The following CFAP58 variants were observed in gnomAD, a reference collection of about 807,000 sequenced individuals.
The protein encoded by CFAP58 is cilia and flagella associated protein 58.
In CFAP58, 88 loss-of-function variants were observed where a neutral mutation model predicts 119.5. The ratio of observed to expected loss-of-function variants is 0.74; its 90% CI spans 0.62 to 0.88. The LOEUF (loss-of-function observed/expected upper bound fraction) is 0.88, where lower values mean the gene tolerates loss of function less well. CFAP58 is among the 40% of genes least tolerant of loss of function. The probability of loss-of-function intolerance (pLI) is 0.00; values close to 1 mark genes in which losing one functional copy is unlikely to be tolerated. For missense variants in CFAP58, 990 were observed against 1,021.2 expected (o/e 0.97, Z 0.42); for synonymous variants, 365 against 366.3 (o/e 1.00, Z 0.04).
intron 11 of CFAP58, among the ~76,000 whole-genome samples, chr10:104,395,380 G>A (rs986413056): frequency 2.6e-5 from 4 of 152,214 alleles, no homozygotes; most frequent in African/African-American, 9.6e-5. Context: ...CCCAGGTCTG[G>A]ATGGCTTTAG....
intron 1 of CFAP58, among the ~76,000 whole-genome samples, chr10:104,356,939 C>T (rs555057669): frequency 1.3e-5 from 2 of 152,118 alleles, no homozygotes; most frequent in African/African-American, 4.8e-5. Context: ...AATATATTAA[C>T]CATACCCATT....
upstream of CFAP58, chr10:104,351,837 T>G (rs1434410162): frequency 1.3e-5 from 2 of 152,088 alleles, no homozygotes; most frequent in Non-Finnish European, 2.9e-5. Flanking sequence ...AGCCACAGTA[T>G]CAAAGTTAAG....
At chr10:104,370,274 T>C (rs780465449) in intron 6 of CFAP58, among the ~76,000 whole-genome samples, 1 of 152,258 alleles carries the variant, frequency 6.6e-6, no homozygotes, top group Non-Finnish European at 1.5e-5. Context: ...TACAGTTAGA[T>C]GGTGTATTAG....
At chr10:104,364,988 C>A in intron 4 of CFAP58, 99 bp downstream of exon 4, 1 of 1,232,882 alleles carries the variant, frequency 8.1e-7, no homozygotes, top group Non-Finnish European at 1.1e-6. Context: ...CAAATTTACC[C>A]CCTAGCGCCC....
At chr10:104,448,887 T>C (rs919645989) in intron 16 of CFAP58, among the ~76,000 whole-genome samples, 1 of 152,268 alleles carries the variant, frequency 6.6e-6, no homozygotes, top group African/African-American at 2.4e-5. Context: ...GAGGTAGATA[T>C]AGATTAGAAA....
intron 13 of CFAP58, among the ~76,000 whole-genome samples, chr10:104,401,504 T>G (rs1003164641): frequency 2.0e-5 from 3 of 152,226 alleles, no homozygotes; most frequent in Non-Finnish European, 2.9e-5. Context: ...TACTTTCCCT[T>G]TGGGAAAACG....
At chr10:104,364,927 C>G (rs1297814244) in intron 4 of CFAP58, 38 bp downstream of exon 4, 1 of 1,595,116 alleles carries the variant, frequency 6.3e-7, no homozygotes, top group South Asian at 1.1e-5. Context: ...ATATTTCCTT[C>G]CAGAGGATGT....
At chr10:104,358,284 G>A (rs907067291) in intron 1 of CFAP58, 57 bp from the exon 2 acceptor site, 1 of 1,528,584 alleles carries the variant, frequency 6.5e-7, no homozygotes, top group Non-Finnish European at 8.8e-7. Flanking sequence ...GTAATTCCTT[G>A]ATGGTAATGA....
upstream of CFAP58, chr10:104,353,742 C>T: frequency 1.4e-6 from 1 of 722,350 alleles, no homozygotes; most frequent in Non-Finnish European, 2.3e-6. Flanking sequence ...AGGGCGTGTC[C>T]GTTGCCAGGC....
chr10:104,379,909 AT>A, intron 8 of CFAP58, 119 bp from the exon 9 acceptor site: 2 of 905,294 alleles, frequency 2.2e-6, no homozygotes, highest in South Asian at 1.7e-5. Context: ...GAATATGATC[AT>A]TTTTATTCAT....
upstream of CFAP58, among the ~76,000 whole-genome samples, chr10:104,352,319 G>A (rs1419029583): frequency 6.6e-6 from 1 of 152,170 alleles, no homozygotes; most frequent in East Asian, 1.9e-4. Flanking sequence ...AAAGTGCTTG[G>A]TAAGTACCCA....
intron 15 of CFAP58, among the ~76,000 whole-genome samples, chr10:104,447,019 CT>C (rs559626097): frequency 6.7e-5 from 10 of 148,748 alleles, no homozygotes; most frequent in Middle Eastern, 3.4e-3. Context: ...TATTTCTTTT[CT>C]TTTTTTTTTC....
intron 8 of CFAP58, among the ~76,000 whole-genome samples, chr10:104,379,438 A>G (rs973220679): frequency 3.9e-5 from 6 of 152,146 alleles, no homozygotes; most frequent in African/African-American, 1.4e-4. Context: ...GGTTGTGTCT[A>G]TCTTTTGGCT....
chr10:104,440,861 A>G (rs2013026006), intron 15 of CFAP58, among the ~76,000 whole-genome samples: 1 of 152,006 alleles, frequency 6.6e-6, no homozygotes, highest in Non-Finnish European at 1.5e-5. Flanking sequence ...CACCAAATTG[A>G]TATCATCTCC....
At chr10:104,401,856 G>A (rs1180317526) in intron 13 of CFAP58, among the ~76,000 whole-genome samples, 2 of 151,942 alleles carry the variant, frequency 1.3e-5, no homozygotes, top group South Asian at 4.1e-4. Flanking sequence ...ATATAAAGAA[G>A]GGATTAGAAA....
chr10:104,414,384 T>C (rs572781467), intron 15 of CFAP58, among the ~76,000 whole-genome samples: 12 of 152,310 alleles, frequency 7.9e-5, no homozygotes, highest in Non-Finnish European at 1.6e-4. Flanking sequence ...CAGTCGGCTT[T>C]ACTAGTTTTG....
At chr10:104,393,560 G>T (rs2012095291) in intron 11 of CFAP58, 85 bp downstream of exon 11, 9 of 1,378,802 alleles carry the variant, frequency 6.5e-6, no homozygotes, top group Non-Finnish European at 7.9e-6. Context: ...GCAGCCAGGG[G>T]CAGGGAGAAC....
chr10:104,421,825 C>G (rs556551276), intron 15 of CFAP58, among the ~76,000 whole-genome samples: 2 of 152,346 alleles, frequency 1.3e-5, no homozygotes, highest in African/African-American at 4.8e-5. Context: ...TCATCTTTAT[C>G]AAGCACATAG....
intron 6 of CFAP58, among the ~76,000 whole-genome samples, 192 bp from the exon 7 acceptor site, chr10:104,370,703 C>A (rs965844566): frequency 1.3e-5 from 2 of 151,982 alleles, no homozygotes; most frequent in Non-Finnish European, 2.9e-5. Flanking sequence ...AAAACATAAC[C>A]ACATATTTTA....
Sources: gnomAD v4.1 joint callset for allele counts (sites outside exome capture counted in the v4.1 genomes callset) on GRCh38, gnomAD v4.1.1 for gene constraint, MANE v1.5 for transcripts, NCBI Gene and HGNC (gene_info 2026-07-23, HGNC 2026-07-21) for gene names.